Variants in LLGL2 observed in about 807,000 individuals in gnomAD.
LLGL2 encodes LLGL2, scribble cell polarity complex component.
Under a neutral mutation model 123.2 loss-of-function variants are expected in LLGL2, and 81 were observed. The observed-to-expected ratio is 0.66, with a 90% CI of 0.55 to 0.79. The LOEUF (loss-of-function observed/expected upper bound fraction) is 0.79. Ranked by LOEUF, LLGL2 falls within the 30% of genes least tolerant of loss-of-function variation. The probability of loss-of-function intolerance (pLI) is 0.00; values close to 1 mark genes in which losing one functional copy is unlikely to be tolerated. For missense variants in LLGL2, 1,273 were observed against 1,414.6 expected (o/e 0.90, Z 1.61); for synonymous variants, 577 against 594.1 (o/e 0.97, Z 0.42).
intron 10 of LLGL2, among the ~76,000 whole-genome samples, chr17:75,566,973 A>T (rs1598620348): frequency 6.6e-6 from 1 of 152,182 alleles, no homozygotes; most frequent in Non-Finnish European, 1.5e-5. Context: ...AGGTTTAAAG[A>T]AAAAAAGAGA....
chr17:75,530,030 C>T (rs906022137), intron 1 of LLGL2, among the ~76,000 whole-genome samples: 32 of 152,294 alleles, frequency 2.1e-4, no homozygotes, highest in Admixed American at 3.9e-4. Flanking sequence ...GTCACTAGCA[C>T]GTGTGGCCTG....
intron 2 of LLGL2, among the ~76,000 whole-genome samples, chr17:75,553,679 G>A (rs1196081628): frequency 6.6e-6 from 1 of 152,170 alleles, no homozygotes; most frequent in Non-Finnish European, 1.5e-5. Flanking sequence ...TTCTCACCTA[G>A]CTCTGCAGGG....
chr17:75,549,264 C>T lies in LLGL2; in HGVS notation c.75+5763C>T, dbSNP rs956239626. 2.0e-5 allele frequency among the ~76,000 whole-genome samples: 3 copies of T among 152,138 alleles called. No individual in the cohort carries two copies. The highest frequency in any genetic ancestry group is 4.4e-5 in the Non-Finnish European group (3 of 68,024). On this transcript the variant is annotated intron_variant, in intron 2 of 25. Transcript: ENST00000392550. This position sits in a 1 kb window ranked among gnomAD's most constrained non-coding sequence, Gnocchi z 4.0. The stretch of plus-strand genomic sequence containing the variant: ...ACCAAGGGAAGGAACCATGGGACCT[C>T]GGGAGGGAGGAAGTGCTGCTGGAGA...
chr17:75,570,128 G>A lies in LLGL2; in HGVS notation c.1747G>A (p.Val583Met), dbSNP rs755348646. The A allele has an allele frequency of 6.9e-6, 11 of 1,598,888 alleles. No individual in the cohort carries two copies. Among genetic ancestry groups the A allele is most frequent in the Non-Finnish European group, 9.4e-6 (11 of 1,173,228 alleles). The change falls in exon 15 of 26, where the codon GTG becomes ATG. Residue 583 changes from valine to methionine, a missense_variant. Coordinates refer to ENST00000392550, the MANE Select transcript of LLGL2 (RefSeq NM_001031803.2). ...GCCTGGCTTTCAGCCCTTCGTGTTG[G>A]TGCAGTGTCAGCCCCCGGCTGTGGT... ...FEPGFQPFVL[V>M]QCQPPAVVTS...
intron 2 of LLGL2, among the ~76,000 whole-genome samples, chr17:75,545,523 G>A (rs1440599324): frequency 1.3e-5 from 2 of 152,234 alleles, no homozygotes; most frequent in South Asian, 2.1e-4. Context: ...GGAGTGTGGT[G>A]GGGCCAGCAG....
In LLGL2 at chr17:75,559,171, T is replaced by G; in HGVS notation, c.372-81T>G. 7.0e-7 allele frequency: 1 copy of G among 1,419,178 alleles called. No homozygotes were observed. The highest frequency in any genetic ancestry group is 9.3e-7 in the Non-Finnish European group (1 of 1,071,552). The allele number at this position is 1,419,178 out of a possible 1,614,324, so 87.9% of individuals were successfully genotyped here. A position where few individuals can be genotyped will look rare whatever the true frequency, so the allele number is the denominator to read the frequency against. The stretch of plus-strand genomic sequence containing the variant: ...ATTAAAGGGCCTTATGGGCTTGTTT[T>G]CCGAGGAGTCAGGGGACCCCGTCCA... On this transcript the variant is annotated intron_variant, in intron 5 of 25. Transcript: ENST00000392550. The surrounding 1 kb of genome is among the most constrained non-coding windows in gnomAD (Gnocchi z 4.6).
chr17:75,567,953 A>AAG (rs2055517478), intron 10 of LLGL2: 10 of 562,012 alleles, frequency 1.8e-5, no homozygotes, highest in Non-Finnish European at 2.2e-5. Context: ...GAGAAAAGAA[A>AAG]AAAAAAAAAA....
At chr17:75,574,791 C>A in intron 25 of LLGL2, 80 bp from the exon 26 acceptor site, 1 of 1,597,822 alleles carries the variant, frequency 6.3e-7, no homozygotes, top group Non-Finnish European at 8.6e-7. Context: ...AGGAAAGCAC[C>A]ATGTCTGGGC....
At chr17:75,557,705 G>A (rs983813333) in intron 3 of LLGL2, 27 of 314,658 alleles carry the variant, frequency 8.6e-5, no homozygotes, top group Non-Finnish European at 4.4e-5. Context: ...TCCCTCGGCT[G>A]GTTAATCATT....
intron 1 of LLGL2, among the ~76,000 whole-genome samples, chr17:75,534,248 C>A (rs1442513578): frequency 6.6e-6 from 1 of 152,238 alleles, no homozygotes; most frequent in Non-Finnish European, 1.5e-5. Context: ...CCTCACAGGC[C>A]CAGGAGGGGC....
At chr17:75,539,412 C>A (rs2054125226) in intron 1 of LLGL2, among the ~76,000 whole-genome samples, 1 of 149,584 alleles carries the variant, frequency 6.7e-6, no homozygotes, top group Admixed American at 6.7e-5. Flanking sequence ...AATGTCCTTT[C>A]CTTTTTTTTT....
chr17:75,565,039 C>G (rs765453330), intron 10 of LLGL2, among the ~76,000 whole-genome samples: 2 of 152,178 alleles, frequency 1.3e-5, no homozygotes, highest in Non-Finnish European at 2.9e-5. Context: ...CTGTCTGCCC[C>G]GGGCTCTCTG....
Position 75,563,397 on chromosome 17 carries a change from T to C in LLGL2, c.760T>C (p.Tyr254His). The change falls in exon 8 of 26, where the codon TAC becomes CAC. Residue 254 changes from tyrosine (Y) to histidine (H), a missense_variant. By Grantham distance (83) the Tyr-to-His change is moderately conservative (BLOSUM62 2). Transcript: ENST00000392550. ...CGTCAGCTGTCACTCTGACGGCAGC[T>C]ACTGCCAGTGGCCCGTGTCCAGCGA... ...LLVSCHSDGS[Y>H]CQWPVSSEAQ... is the part of the protein sequence containing the mutation. The C allele has an allele frequency of 6.2e-7, 1 of 1,612,952 alleles. No homozygotes were observed. Among genetic ancestry groups the C allele is most frequent in the Non-Finnish European group, 8.5e-7 (1 of 1,180,022 alleles).
intron 20 of LLGL2, 68 bp from the exon 21 acceptor site, chr17:75,573,413 T>TC (rs2147591872): frequency 1.3e-6 from 2 of 1,573,046 alleles, no homozygotes; most frequent in East Asian, 2.3e-5. Context: ...TAGCCCCTAC[T>TC]CCCCCAGGTG....
rs1281523363 is a variant in LLGL2, at chr17:75,559,680, AG to A, written c.530+271del. On this transcript the variant is annotated intron_variant, in intron 6 of 25. Coordinates refer to ENST00000392550, the MANE Select transcript of LLGL2 (RefSeq NM_001031803.2). This position sits in a 1 kb window ranked among gnomAD's most constrained non-coding sequence, Gnocchi z 4.6. ...GTGTAATGTCACCGACTGTCAGTCCAGTGTCCTTTGCACTTGCCATGGGTTT... is the reference window on the plus strand; with the variant it reads ...GTGTAATGTCACCGACTGTCAGTCCATGTCCTTTGCACTTGCCATGGGTTT... 1.3e-5 allele frequency among the ~76,000 whole-genome samples: 2 copies of A among 152,222 alleles called. No homozygotes were observed. Among genetic ancestry groups the A allele is most frequent in the Non-Finnish European group, 2.9e-5 (2 of 68,028 alleles).
chr17:75,566,987 G>A (rs1275257629), intron 10 of LLGL2, among the ~76,000 whole-genome samples: 1 of 152,180 alleles, frequency 6.6e-6, no homozygotes, highest in African/African-American at 2.4e-5. Flanking sequence ...AAAGAGATGT[G>A]AAACCAGGGG....
Position 75,564,493 on chromosome 17 carries a change from C to CA in LLGL2, c.1023dup (p.Asp342ArgfsTer7). The stretch of plus-strand genomic sequence containing the variant: ...ATCGGCTTCACTGTCCTCACAGAGG[C>CA]AGACCCTGCAGCCAGTAGGAGAGCT... On this transcript the variant is annotated frameshift_variant, in exon 10 of 26. Coordinates refer to ENST00000392550, the MANE Select transcript of LLGL2 (RefSeq NM_001031803.2). LOFTEE classifies it high-confidence loss of function. This position sits in a 1 kb window ranked among gnomAD's most constrained non-coding sequence, Gnocchi z 4.9. 1 of 1,613,026 alleles carries CA rather than the reference C, an allele frequency of 6.2e-7. No individual in the cohort carries two copies. Among genetic ancestry groups the CA allele is most frequent in the Non-Finnish European group, 8.5e-7 (1 of 1,179,984 alleles).
chr17:75,530,673 G>A (rs2053751986), intron 1 of LLGL2, among the ~76,000 whole-genome samples: 1 of 151,700 alleles, frequency 6.6e-6, no homozygotes, highest in Non-Finnish European at 1.5e-5. Context: ...AAAATTAGCT[G>A]GGCATCGTGG....
chr17:75,568,417 C>T, intron 10 of LLGL2, 59 bp from the exon 11 acceptor site: 3 of 1,564,486 alleles, frequency 1.9e-6, no homozygotes, highest in Non-Finnish European at 2.6e-6. Context: ...GCTTCTGATT[C>T]CACAGAGCTG....
Sources: gnomAD v4.1 joint callset for allele counts (sites outside exome capture counted in the v4.1 genomes callset) on GRCh38, gnomAD v4.1.1 for gene constraint, Gnocchi (gnomAD v3.1) non-coding constraint, MANE v1.5 for transcripts, NCBI Gene and HGNC (gene_info 2026-07-23, HGNC 2026-07-21) for gene names.